Variants in NELL1 observed in about 807,000 individuals in gnomAD.
NELL1 encodes protein kinase C-binding protein NELL1.
Under a neutral mutation model 107.4 loss-of-function variants are expected in NELL1, and 76 were observed. That is an observed-to-expected ratio of 0.71 (90% CI 0.59 to 0.86). The LOEUF (loss-of-function observed/expected upper bound fraction) is 0.86. Ranked by LOEUF, NELL1 falls within the 40% of genes least tolerant of loss-of-function variation. NELL1 has a pLI of 0.00. For missense variants in NELL1, 1,024 were observed against 1,005.5 expected, an observed-to-expected ratio of 1.02 and a Z score of -0.25; for synonymous variants, 353 against 341.2, an observed-to-expected ratio of 1.03 and a Z score of -0.38.
chr11:20,961,585 G>A (rs1026416020), intron 12 of NELL1, among the ~76,000 whole-genome samples: 1 of 152,164 alleles, frequency 6.6e-6, no homozygotes, highest in Admixed American at 6.5e-5. Context: ...ACTGATGATA[G>A]TAATGGTAAA....
At chr11:20,751,320 A>C (rs1856134059) in intron 2 of NELL1, among the ~76,000 whole-genome samples, 1 of 152,196 alleles carries the variant, frequency 6.6e-6, no homozygotes, top group Admixed American at 6.5e-5. Flanking sequence ...TGGATAATGC[A>C]CATCTTAAAA....
chr11:21,022,093 C>A (rs1410980269), intron 12 of NELL1, among the ~76,000 whole-genome samples: 1 of 152,038 alleles, frequency 6.6e-6, no homozygotes, highest in Non-Finnish European at 1.5e-5. Context: ...CCCTGGGAAG[C>A]AAAATTTCCC....
At chr11:21,033,785 T>C (rs1853021333) in intron 12 of NELL1, among the ~76,000 whole-genome samples, 1 of 152,148 alleles carries the variant, frequency 6.6e-6, no homozygotes, top group Non-Finnish European at 1.5e-5. Flanking sequence ...TCGAATGGTA[T>C]TTCTGTTTTT....
intron 15 of NELL1, among the ~76,000 whole-genome samples, chr11:21,508,844 G>T (rs1057115856): frequency 1.3e-5 from 2 of 151,854 alleles, no homozygotes; most frequent in African/African-American, 4.8e-5. Context: ...CCTATATCAA[G>T]CATCATATTT....
rs549799494 is a variant in NELL1 at position 21,437,116 on chromosome 11, C to G, written c.1645+66168C>G. ...TTTGGGTAAAATGTTCTGCAAATAT[C>G]TGTTAAGGCCTTTTGATCTATAGTG... On this transcript the variant is annotated intron_variant, in intron 15 of 19. Transcript: ENST00000357134. Among the ~76,000 whole-genome samples, 302 of 152,132 alleles carry G rather than the reference C, an allele frequency of 2.0e-3. 1 individual carries two copies. Among genetic ancestry groups the G allele is most frequent in the South Asian group, 0.015 (71 of 4,810 alleles).
chr11:21,001,373 G>A (rs1852216133), intron 12 of NELL1, among the ~76,000 whole-genome samples: 1 of 151,922 alleles, frequency 6.6e-6, no homozygotes, highest in African/African-American at 2.4e-5. Flanking sequence ...ACAGCCTCAA[G>A]GATGCTCTGG....
intron 12 of NELL1, among the ~76,000 whole-genome samples, chr11:21,023,044 G>C (rs1852737179): frequency 6.6e-6 from 1 of 151,986 alleles, no homozygotes; most frequent in African/African-American, 2.4e-5. Context: ...GCCTGCATCT[G>C]GGAAGAATAC....
At chr11:21,392,583 A>G (rs1395291303) in intron 15 of NELL1, among the ~76,000 whole-genome samples, 1 of 151,812 alleles carries the variant, frequency 6.6e-6, no homozygotes, top group African/African-American at 2.4e-5. Context: ...TTAAGCCAGT[A>G]TCTTTAACCA....
chr11:20,755,526 CT>C (rs1856240734), intron 2 of NELL1, among the ~76,000 whole-genome samples: 1 of 142,346 alleles, frequency 7.0e-6, no homozygotes, highest in Non-Finnish European at 1.5e-5. Flanking sequence ...TAAAAAAGAC[CT>C]GTGTGGGTTT....
chr11:20,672,931 A>C, intron 1 of NELL1, among the ~76,000 whole-genome samples: 1 of 132,254 alleles, frequency 7.6e-6, no homozygotes, highest in Non-Finnish European at 1.6e-5. Flanking sequence ...GGCTCACCAC[A>C]ACCTCTGCCT....
At chr11:21,398,149 C>A (rs532420468) in intron 15 of NELL1, among the ~76,000 whole-genome samples, 2 of 151,460 alleles carry the variant, frequency 1.3e-5, no homozygotes, top group East Asian at 3.9e-4. Flanking sequence ...AATTTATGAA[C>A]GAGATTATAC....
chr11:21,137,315 G>A (rs972456562), intron 13 of NELL1, among the ~76,000 whole-genome samples: 14 of 152,170 alleles, frequency 9.2e-5, no homozygotes, highest in African/African-American at 3.4e-4. Flanking sequence ...AGTAAAAGTG[G>A]CAATAAAATT....
At chr11:20,895,653 G>A (rs1269049517) in intron 5 of NELL1, among the ~76,000 whole-genome samples, 2 of 151,796 alleles carry the variant, frequency 1.3e-5, no homozygotes, top group South Asian at 2.1e-4. Context: ...TTACAGGTGT[G>A]TGCCACCATG....
intron 15 of NELL1, among the ~76,000 whole-genome samples, chr11:21,375,995 G>T (rs1158653957): frequency 6.6e-6 from 1 of 152,000 alleles, no homozygotes; most frequent in Non-Finnish European, 1.5e-5. Flanking sequence ...CATTCTGTAG[G>T]TTGTCTGCTT....
intron 12 of NELL1, among the ~76,000 whole-genome samples, chr11:20,964,480 A>G (rs150744942): frequency 6.6e-6 from 1 of 152,320 alleles, no homozygotes; most frequent in African/African-American, 2.4e-5. Flanking sequence ...CCTTTTATAT[A>G]TGTTACACTT....
At chr11:20,885,661 A>C in intron 5 of NELL1, 121 bp downstream of exon 5, 1 of 656,324 alleles carries the variant, frequency 1.5e-6, no homozygotes. Flanking sequence ...AATAGCTACT[A>C]ATGTTTATTG....
chr11:21,073,255 G>T (rs148847717), intron 12 of NELL1, among the ~76,000 whole-genome samples: 1 of 152,070 alleles, frequency 6.6e-6, no homozygotes, highest in Non-Finnish European at 1.5e-5. Flanking sequence ...GATTACTTGG[G>T]ATCCATCTAG....
intron 15 of NELL1, among the ~76,000 whole-genome samples, chr11:21,531,475 C>T (rs927792400): frequency 5.9e-5 from 9 of 152,146 alleles, no homozygotes; most frequent in Non-Finnish European, 7.3e-5. Context: ...GTGTTGTCGA[C>T]ATTTGACTCT....
At chr11:21,470,736 C>A (rs1301377428) in intron 15 of NELL1, among the ~76,000 whole-genome samples, 1 of 152,208 alleles carries the variant, frequency 6.6e-6, no homozygotes, top group African/African-American at 2.4e-5. Flanking sequence ...CAGAGTAGAA[C>A]CTCAGGACAT....
Sources: allele counts gnomAD v4.1 joint callset (sites outside exome capture counted in the v4.1 genomes callset), GRCh38; gene constraint gnomAD v4.1.1; transcripts MANE v1.5; gene names NCBI Gene and HGNC (gene_info 2026-07-23, HGNC 2026-07-21).